The following MIEF1 variants were observed in gnomAD, a reference collection of about 807,000 sequenced individuals.
MIEF1 encodes mitochondrial elongation factor 1.
MIEF1 carries 14 observed loss-of-function variants against 35.1 expected under a neutral mutation model. That is an observed-to-expected ratio of 0.40 (90% CI 0.26 to 0.62). The LOEUF (loss-of-function observed/expected upper bound fraction) is 0.62. MIEF1 is among the 20% of genes least tolerant of loss of function. The pLI, the probability that MIEF1 is intolerant of heterozygous loss-of-function variation, is 0.43. For synonymous variants in MIEF1, 245 were observed against 254.3 expected (o/e 0.96, Z 0.35); for missense variants, 542 against 615.4 (o/e 0.88, Z 1.26).
Position 39,513,515 on chromosome 22 carries a change from A to C in MIEF1, c.586-2A>C. ...AAAACCCTTTAAATTCTGCCCTGAC[A>C]GGTGGTGACAGCTGACCACATCCAA... On this transcript the variant is annotated splice_acceptor_variant, in intron 5 of 5. Coordinates refer to ENST00000325301, the MANE Select transcript of MIEF1 (RefSeq NM_019008.6). LOFTEE classifies it high-confidence loss of function. 8.7e-6 allele frequency: 14 copies of C among 1,613,042 alleles called. No homozygotes were observed. The highest frequency in any genetic ancestry group is 1.1e-5 in the Non-Finnish European group (13 of 1,179,088).
At position 39,502,350 on chromosome 22, in the gene MIEF1, A is replaced by G. The variant is rs1411320389; in HGVS notation, c.-427A>G. ...TCCGTGCGCAAGGTCGTGTCCCGGA[A>G]GTGAAGGGGCCATGTTGATGGGTGA... On this transcript the variant is annotated 5_prime_UTR_variant, in exon 1 of 6. Coordinates refer to ENST00000325301, the MANE Select transcript of MIEF1 (RefSeq NM_019008.6). The G allele has an allele frequency of 6.6e-6, 1 of 152,336 alleles. No homozygotes were observed. The highest frequency in any genetic ancestry group is 2.4e-5 in the African/African-American group (1 of 41,460). 9.4% of individuals were successfully genotyped at this position (152,336 alleles called of 1,614,324 possible). A position where few individuals can be genotyped will look rare whatever the true frequency, so the allele number is the denominator to read the frequency against.
chr22:39,511,644 C>T (rs976278370), intron 3 of MIEF1, among the ~76,000 whole-genome samples: 1 of 152,228 alleles, frequency 6.6e-6, no homozygotes, highest in Non-Finnish European at 1.5e-5. Context: ...ACAGTTTTCT[C>T]TGGGTCATGA....
At chr22:39,509,058 G>C (rs1198969250) in intron 2 of MIEF1, among the ~76,000 whole-genome samples, 1 of 151,796 alleles carries the variant, frequency 6.6e-6, no homozygotes, top group Non-Finnish European at 1.5e-5. Context: ...GTGCAATGGT[G>C]ATTCTCCTGC....
At chr22:39,507,151 C>T (rs1248328911) in intron 2 of MIEF1, among the ~76,000 whole-genome samples, 2 of 152,152 alleles carry the variant, frequency 1.3e-5, no homozygotes, top group Non-Finnish European at 2.9e-5. Flanking sequence ...GTCTGTTGAG[C>T]TTGTGGATGC....
Position 39,512,482 on chromosome 22 carries a change from C to T in MIEF1, c.573C>T (p.Tyr191=), listed in dbSNP as rs757503154. ...LRDMYLSGSL[Y]DDLQVVTADH... ...ACATGTACTTGAGTGGCAGCCTCTA[C>T]GATGACCTGCAGGTAACAAGGTGGT... is the stretch of plus-strand genomic sequence containing the variant. Residue 191 remains tyrosine, a synonymous_variant, in exon 5 of 6, where the codon TAC becomes TAT. Coordinates refer to ENST00000325301, the MANE Select transcript of MIEF1 (RefSeq NM_019008.6). The T allele has an allele frequency of 9.9e-6, 16 of 1,611,154 alleles. No homozygotes were observed. The South Asian group carries it at 1.7e-4, about 17-fold the overall frequency.
In MIEF1 at chr22:39,512,429, G is replaced by T. The variant is rs1272930378; in HGVS notation, c.520G>T (p.Ala174Ser). ...TGCCGAGCTCCGGAGCTTCCTGCGG[G>T]CCAAGTTGCCTGACATGCCGCTTCG... ...ICAELRSFLR[A>S]KLPDMPLRDM... The change falls in exon 5 of 6, where the codon GCC becomes TCC. Residue 174 changes from alanine (A) to serine (S), a missense_variant. Ala to Ser is a moderately conservative substitution (Grantham distance 99). Transcript: ENST00000325301. The T allele has an allele frequency of 6.2e-7, 1 of 1,614,094 alleles. No individual in the cohort carries two copies. The highest frequency in any genetic ancestry group is 1.1e-5 in the South Asian group (1 of 91,082).
intron 2 of MIEF1, 22 bp downstream of exon 2, chr22:39,504,556 T>A (rs1045885212): frequency 5.0e-6 from 2 of 397,476 alleles, no homozygotes; most frequent in Non-Finnish European, 8.9e-6. Flanking sequence ...CTCGTTCCTG[T>A]AGGTTTCCTT....
chr22:39,516,578 C>T lies in MIEF1; in HGVS notation c.*2255C>T, dbSNP rs1336675092. On this transcript the variant is annotated 3_prime_UTR_variant, in exon 6 of 6. Coordinates refer to ENST00000325301, the MANE Select transcript of MIEF1 (RefSeq NM_019008.6). ...ATAAGCTGGGCGTGGTGGCAGGCGCCTATAATCCCAGCTACTCGGGAGGCT... is the reference window on the plus strand; with the variant it reads ...ATAAGCTGGGCGTGGTGGCAGGCGCTTATAATCCCAGCTACTCGGGAGGCT... 3 of 152,170 alleles carry T rather than the reference C, an allele frequency of 2.0e-5. No homozygotes were observed. The highest frequency in any genetic ancestry group is 2.0e-4 in the Admixed American group (3 of 15,278). 9.4% of individuals were successfully genotyped at this position (152,170 alleles called of 1,614,324 possible). A position where few individuals can be genotyped will look rare whatever the true frequency, so the allele number is the denominator to read the frequency against.
At chr22:39,511,468 G>A in intron 3 of MIEF1, 30 bp downstream of exon 3, 2 of 1,524,580 alleles carry the variant, frequency 1.3e-6, no homozygotes, top group Non-Finnish European at 1.8e-6. Context: ...GCTGGGGGTG[G>A]AATGTAGTGG....
chr22:39,508,322 C>G (rs908112526), intron 2 of MIEF1, among the ~76,000 whole-genome samples: 1 of 152,220 alleles, frequency 6.6e-6, no homozygotes, highest in African/African-American at 2.4e-5. Flanking sequence ...CCACCTTGCT[C>G]TCACCAGTCA....
In MIEF1 at chr22:39,513,948, G is replaced by A. The variant is rs1451640679; in HGVS notation, c.1017G>A (p.Leu339=). 3.1e-6 allele frequency: 5 copies of A among 1,613,276 alleles called. No homozygotes were observed. The highest frequency in any genetic ancestry group is 2.7e-5 in the African/African-American group (2 of 74,932). Residue 339 remains leucine (L), a synonymous_variant, in exon 6 of 6, where the codon CTG becomes CTA. Coordinates refer to ENST00000325301, the MANE Select transcript of MIEF1 (RefSeq NM_019008.6). The stretch of plus-strand genomic sequence containing the variant: ...CCCAGTATGACAACCTGTGGCGGCT[G>A]AGCCTGCGTCCCGCGGAGACGGCAC... ...RLAQYDNLWR[L]SLRPAETARL... is the part of the protein sequence containing the mutation.
upstream of MIEF1, among the ~76,000 whole-genome samples, chr22:39,501,111 A>C (rs930520354): frequency 6.6e-6 from 1 of 152,142 alleles, no homozygotes; most frequent in Non-Finnish European, 1.5e-5. Context: ...CTTGGCTCTG[A>C]ACCCTGCTGT....
In MIEF1 at chr22:39,512,006, ACTC is replaced by A. The variant is rs777069027; in HGVS notation, c.307_309del (p.Ser103del). 2 of 1,612,692 alleles carry A rather than the reference ACTC, an allele frequency of 1.2e-6. No homozygotes were observed. Among genetic ancestry groups the A allele is most frequent in the Non-Finnish European group, 1.7e-6 (2 of 1,179,464 alleles). On this transcript the variant is annotated inframe_deletion, in exon 4 of 6. Coordinates refer to ENST00000325301, the MANE Select transcript of MIEF1 (RefSeq NM_019008.6). Reference sequence around the variant, plus strand: ...CGGTCCTTGCAGACCCTTCCCACAGACTCCTCCACCTTCGACACAGGTGAGAAG... The same window carrying A: ...CGGTCCTTGCAGACCCTTCCCACAGACTCCACCTTCGACACAGGTGAGAAG...
At chr22:39,513,449 C>A in intron 5 of MIEF1, 68 bp from the exon 6 acceptor site, 1 of 1,483,860 alleles carries the variant, frequency 6.7e-7, no homozygotes, top group Non-Finnish European at 9.2e-7. Context: ...TGGTGGGAAC[C>A]GTCTTAGAGG....
chr22:39,507,266 A>C (rs548083632), intron 2 of MIEF1, among the ~76,000 whole-genome samples: 31 of 151,892 alleles, frequency 2.0e-4, no homozygotes, highest in Non-Finnish European at 4.3e-4. Context: ...TTTTCTTGAG[A>C]TGGAGTCTTG....
In MIEF1 at chr22:39,515,891, A is replaced by C. The variant is rs530363650; in HGVS notation, c.*1568A>C. On this transcript the variant is annotated 3_prime_UTR_variant, in exon 6 of 6. Transcript: ENST00000325301. ...GTCTCATTCCTTCCCAACGATAGTAACAGGAAATGACTCTTTAGCATCGAT... is the reference window on the plus strand; with the variant it reads ...GTCTCATTCCTTCCCAACGATAGTACCAGGAAATGACTCTTTAGCATCGAT... 1.9e-5 allele frequency: 3 copies of C among 154,634 alleles called. No individual in the cohort carries two copies. The highest frequency in any genetic ancestry group is 4.3e-5 in the Non-Finnish European group (3 of 69,262). 9.6% of individuals were successfully genotyped at this position (154,634 alleles called of 1,614,324 possible).
In MIEF1 at chr22:39,511,401, C is replaced by A. The variant is rs976814958; in HGVS notation, c.107C>A (p.Ala36Glu). 13 of 1,603,882 alleles carry A rather than the reference C, an allele frequency of 8.1e-6. No homozygotes were observed. Among genetic ancestry groups the A allele is most frequent in the Non-Finnish European group, 1.1e-5 (13 of 1,174,458 alleles). ...CGGCTGGTGCTGGGGGTGGGTGGAG[C>A]GGCCATGCTGGGCATCGCCACGCTG... ...NARLVLGVGG[A>E]AMLGIATLAV... Residue 36 changes from alanine to glutamate, a missense_variant, in exon 3 of 6, where the codon GCG (alanine) becomes GAG (glutamate). By Grantham distance (107) the Ala-to-Glu change is moderately radical. Transcript: ENST00000325301.
chr22:39,509,930 G>T (rs1015572075), intron 2 of MIEF1, among the ~76,000 whole-genome samples: 1 of 152,142 alleles, frequency 6.6e-6, no homozygotes, highest in African/African-American at 2.4e-5. Context: ...AAGGAGTGGG[G>T]AGTCCTGAGT....
rs558394876 is a variant in MIEF1 at position 39,511,911 on chromosome 22, G to A, written c.207G>A (p.Arg69=). 70 of 1,614,218 alleles carry A rather than the reference G, an allele frequency of 4.3e-5. No individual in the cohort carries two copies. Among genetic ancestry groups the A allele is most frequent in the South Asian group, 3.3e-5 (3 of 91,078 alleles). Residue 69 remains arginine, a synonymous_variant, in exon 4 of 6, where the codon AGG becomes AGA. Transcript: ENST00000325301. ...SPTRLSHSGK[R]SWEEPNWMGS... ...CCCGCCTGAGCCATTCGGGGAAAAG[G>A]AGCTGGGAAGAACCCAACTGGATGG...
Sources: allele counts gnomAD v4.1 joint callset (sites outside exome capture counted in the v4.1 genomes callset), GRCh38; gene constraint gnomAD v4.1.1; transcripts MANE v1.5; gene names NCBI Gene and HGNC (gene_info 2026-07-23, HGNC 2026-07-21).